The following PGM5 variants were observed in gnomAD, a reference collection of about 807,000 sequenced individuals.
PGM5 encodes the protein phosphoglucomutase 5.
PGM5 carries 23 observed loss-of-function variants against 59.2 expected under a neutral mutation model. The observed-to-expected ratio is 0.39, with a 90% CI of 0.28 to 0.55. PGM5 has a LOEUF of 0.55. Ranked by LOEUF, PGM5 falls within the 20% of genes least tolerant of loss-of-function variation. The pLI is 0.66. For synonymous variants in PGM5, 214 were observed against 286.0 expected (o/e 0.75, Z 2.54); for missense variants, 574 against 748.3 (o/e 0.77, Z 2.72).
intron 6 of PGM5, among the ~76,000 whole-genome samples, chr9:68,449,721 ACCCAGGTTTGTCTAC>A (rs1163583625): frequency 6.6e-6 from 1 of 152,142 alleles, no homozygotes; most frequent in Non-Finnish European, 1.5e-5. Flanking sequence ...CAGGATTTGA[ACCCAGGTTTGTCTAC>A]CCAAGGAGCC....
At chr9:68,393,818 C>T (rs1284858219) in intron 6 of PGM5, 1 of 152,008 alleles carries the variant, frequency 6.6e-6, no homozygotes, top group Non-Finnish European at 1.5e-5. Flanking sequence ...TAATAATATA[C>T]ATAGTTGCAT....
At chr9:68,512,640 C>T (rs543427330) in intron 10 of PGM5, among the ~76,000 whole-genome samples, 2 of 152,246 alleles carry the variant, frequency 1.3e-5, no homozygotes, top group South Asian at 4.1e-4. Flanking sequence ...AATAAGGACA[C>T]CAGTCATATT....
At chr9:68,528,976 T>G (rs963601094) in intron 10 of PGM5, among the ~76,000 whole-genome samples, 2 of 152,164 alleles carry the variant, frequency 1.3e-5, no homozygotes, top group Non-Finnish European at 2.9e-5. Flanking sequence ...TCCTTAGGCT[T>G]CTAAAGCATG....
At chr9:68,519,932 T>C (rs1824874810) in intron 10 of PGM5, among the ~76,000 whole-genome samples, 1 of 142,536 alleles carries the variant, frequency 7.0e-6, no homozygotes, top group Non-Finnish European at 1.5e-5. Context: ...AATAAATAAA[T>C]AAATAAAATT....
At position 68,520,387 on chromosome 9, in the gene PGM5, A is replaced by G. The variant is rs538342166; in HGVS notation, c.1615-9180A>G. Among the ~76,000 whole-genome samples, 5 of 152,212 alleles carry G rather than the reference A, an allele frequency of 3.3e-5. No individual in the cohort carries two copies. In the South Asian group the frequency reaches 1.0e-3, roughly 32 times the overall value. ...AAATGTAAGAAGAAAATAAATCCAC[A>G]GTTGCCCTTGAGTATTTTAGCACCC... is the stretch of plus-strand genomic sequence containing the variant. On this transcript the variant is annotated intron_variant, in intron 10 of 10. Transcript: ENST00000396396.
rs114968100 is a variant in PGM5 at position 68,490,976 on chromosome 9, T to A, written c.1479+6928T>A. ...CCTTTTTCTTTGAAAATTGTGATGT[T>A]GAAAAGAATCTCTGCAATAAACATA... On this transcript the variant is annotated intron_variant, in intron 9 of 10. Coordinates refer to ENST00000396396, the MANE Select transcript of PGM5 (RefSeq NM_021965.4). Among the ~76,000 whole-genome samples the A allele has an allele frequency of 7.1e-3, 1,088 of 152,362 alleles. 14 individuals carry two copies. The highest frequency in any genetic ancestry group is 0.024 in the African/African-American group (997 of 41,584).
In PGM5 at chr9:68,454,548, C is replaced by T. The variant is rs559143820; in HGVS notation, c.1044-10545C>T. Among the ~76,000 whole-genome samples the T allele has an allele frequency of 2.3e-4, 35 of 152,294 alleles. No individual in the cohort carries two copies. The Middle Eastern group carries it at 0.02, about 89-fold the overall frequency. ...AGTTCATGAGGCCGATCACTCTTGCCGATGCCCACGGAGTGCTCTGGGGAT... is the reference window on the plus strand; with the variant it reads ...AGTTCATGAGGCCGATCACTCTTGCTGATGCCCACGGAGTGCTCTGGGGAT... On this transcript the variant is annotated intron_variant, in intron 6 of 10. Coordinates refer to ENST00000396396, the MANE Select transcript of PGM5 (RefSeq NM_021965.4).
At chr9:68,435,669 T>C (rs1823432164) in intron 6 of PGM5, among the ~76,000 whole-genome samples, 1 of 152,234 alleles carries the variant, frequency 6.6e-6, no homozygotes, top group Non-Finnish European at 1.5e-5. Context: ...CATTTGTCCA[T>C]TGATGGACAT....
intron 1 of PGM5, among the ~76,000 whole-genome samples, chr9:68,376,773 CTTTCTTTCTTTCTTTCTTTCTTTCTTTCT>C (rs1821899512): frequency 2.0e-5 from 1 of 50,954 alleles, no homozygotes; most frequent in Non-Finnish European, 4.0e-5. Flanking sequence ...GCATTTCTTT[CTTTCTTTCTTTCTTTCTTTCTTTCTTTCT>C]TTCTTTCTTT....
intron 6 of PGM5, among the ~76,000 whole-genome samples, chr9:68,423,761 C>G (rs577430462): frequency 1.3e-5 from 2 of 152,174 alleles, no homozygotes; most frequent in East Asian, 3.9e-4. Flanking sequence ...TCAGAGACAT[C>G]CCTCAAATAC....
chr9:68,445,538 C>T lies in PGM5; in HGVS notation c.1044-19555C>T, dbSNP rs550356537. Among the ~76,000 whole-genome samples, 31 of 152,274 alleles carry T rather than the reference C, an allele frequency of 2.0e-4. No individual in the cohort carries two copies. In the South Asian group the frequency reaches 4.1e-3, roughly 20 times the overall value. On this transcript the variant is annotated intron_variant, in intron 6 of 10. Transcript: ENST00000396396. ...ACACCAGGGTAGCCAGGGGCTCCAC[C>T]GCCTGCATATTGGGACACAACGTGG... is the stretch of plus-strand genomic sequence containing the variant.
intron 8 of PGM5, among the ~76,000 whole-genome samples, chr9:68,480,886 A>C (rs1297682981): frequency 6.6e-6 from 1 of 152,120 alleles, no homozygotes; most frequent in Non-Finnish European, 1.5e-5. Context: ...GTTACTTGCT[A>C]GGAGTGTGAA....
intron 10 of PGM5, among the ~76,000 whole-genome samples, chr9:68,502,010 A>G (rs1167523569): frequency 1.3e-5 from 2 of 152,236 alleles, no homozygotes. Context: ...CCTTTTGTAG[A>G]ACAGTGATTA....
intron 6 of PGM5, chr9:68,406,627 T>C (rs781539061): frequency 5.5e-5 from 7 of 128,226 alleles, no homozygotes; most frequent in Non-Finnish European, 8.0e-5. Flanking sequence ...ATTCAAACCA[T>C]AGCACAGGGT....
At chr9:68,413,866 T>C (rs1554681799) in intron 6 of PGM5, among the ~76,000 whole-genome samples, 2 of 152,144 alleles carry the variant, frequency 1.3e-5, no homozygotes, top group African/African-American at 4.8e-5. Context: ...ATCAATCAAT[T>C]AAAAGAAATT....
chr9:68,432,557 C>T (rs948956583), intron 6 of PGM5, among the ~76,000 whole-genome samples: 3 of 151,704 alleles, frequency 2.0e-5, no homozygotes, highest in Admixed American at 1.3e-4. Flanking sequence ...CTGAAATTTG[C>T]TTTTTTCAAT....
At chr9:68,515,571 T>A (rs1303324096) in intron 10 of PGM5, among the ~76,000 whole-genome samples, 1 of 152,208 alleles carries the variant, frequency 6.6e-6, no homozygotes, top group Non-Finnish European at 1.5e-5. Context: ...TTGTACTCTC[T>A]CTGGCTGGAT....
chr9:68,493,160 C>A (rs1554687985), intron 9 of PGM5, among the ~76,000 whole-genome samples: 1 of 152,188 alleles, frequency 6.6e-6, no homozygotes, highest in Non-Finnish European at 1.5e-5. Context: ...ACAGTTCACC[C>A]TTCCCTGCCT....
intron 10 of PGM5, among the ~76,000 whole-genome samples, chr9:68,522,205 T>C (rs1296849650): frequency 6.6e-6 from 1 of 152,172 alleles, no homozygotes; most frequent in African/African-American, 2.4e-5. Context: ...CAGTGAGCCA[T>C]CTGAGCCTTT....
Sources: allele counts gnomAD v4.1 joint callset (sites outside exome capture counted in the v4.1 genomes callset), GRCh38; gene constraint gnomAD v4.1.1; transcripts MANE v1.5; gene names NCBI Gene and HGNC (gene_info 2026-07-23, HGNC 2026-07-21).